Variants in FOXP2 observed in about 807,000 individuals in gnomAD.
FOXP2 encodes the protein forkhead box P2.
A neutral mutation model predicts 115.8 loss-of-function variants in FOXP2; 12 were observed. The ratio of observed to expected loss-of-function variants is 0.10; its 90% CI spans 0.07 to 0.17. The LOEUF (loss-of-function observed/expected upper bound fraction) is 0.17, where lower values mean the gene tolerates loss of function less well. FOXP2 is among the 10% of genes least tolerant of loss of function. The pLI, the probability that FOXP2 is intolerant of heterozygous loss-of-function variation, is 1.00. For missense variants in FOXP2, 629 were observed against 843.5 expected (o/e 0.75, Z 3.15); for synonymous variants, 328 against 297.7 (o/e 1.10, Z -1.05).
rs548163074 is a variant in FOXP2 at position 114,147,407 on chromosome 7, A to G, written c.-246-15537A>G. 5.3e-5 allele frequency among the ~76,000 whole-genome samples: 8 copies of G among 152,246 alleles called. No individual in the cohort carries two copies. The East Asian group carries it at 1.4e-3, about 26-fold the overall frequency. Reference sequence around the variant, plus strand: ...AGAGGGCAGGAGACACATTAGTGCCATGATGTAGTGAAATAGAAAACAAGG... The same window carrying G: ...AGAGGGCAGGAGACACATTAGTGCCGTGATGTAGTGAAATAGAAAACAAGG... On this transcript the variant is annotated intron_variant, in intron 1 of 19. Coordinates refer to the FOXP2 transcript ENST00000635638.
rs947750670 is a variant in FOXP2, at chr7:114,223,303, A to G, written c.-102+60215A>G. On this transcript the variant is annotated intron_variant, in intron 1 of 17. Coordinates refer to the FOXP2 transcript ENST00000634411. ...TTTTGTTTCCCTCAGTCTAATGGGT[A>G]AAAAGATATCTCACAATGGTCTTAA... Among the ~76,000 whole-genome samples, 5 of 151,978 alleles carry G rather than the reference A, an allele frequency of 3.3e-5. 1 individual carries two copies. Among genetic ancestry groups the G allele is most frequent in the African/African-American group, 1.2e-4 (5 of 41,380 alleles).
intron 3 of FOXP2, among the ~76,000 whole-genome samples, chr7:114,550,621 T>C (rs1038713756): frequency 1.3e-5 from 2 of 152,184 alleles, no homozygotes; most frequent in African/African-American, 4.8e-5. Flanking sequence ...GAAATACATA[T>C]ACATATGCAT....
At chr7:114,435,984 G>T (rs1053387376) in intron 2 of FOXP2, among the ~76,000 whole-genome samples, 30 of 152,096 alleles carry the variant, frequency 2.0e-4, no homozygotes, top group Non-Finnish European at 1.8e-4. Context: ...AAGAAAAGGA[G>T]AAATTAATTC....
Position 114,689,956 on chromosome 7 carries a change from G to C in FOXP2, c.*30G>C, listed in dbSNP as rs752889781. The stretch of plus-strand genomic sequence containing the variant: ...TGACTTGTGAAACCTCAGCGTGAAG[G>C]GACATATCACTGACCTTCATAACCA... On this transcript the variant is annotated 3_prime_UTR_variant, in exon 17 of 17. Transcript: ENST00000350908. 2 of 1,611,084 alleles carry C rather than the reference G, an allele frequency of 1.2e-6. No individual in the cohort carries two copies. Among genetic ancestry groups the C allele is most frequent in the East Asian group, 4.5e-5 (2 of 44,832 alleles).
At chr7:114,222,750 G>T (rs1319523938) in intron 1 of FOXP2, among the ~76,000 whole-genome samples, 1 of 152,182 alleles carries the variant, frequency 6.6e-6, no homozygotes, top group African/African-American at 2.4e-5. Flanking sequence ...AGCTTTTAAA[G>T]AAGGGACAGT....
chr7:114,420,267 T>A (rs991165603), intron 1 of FOXP2, among the ~76,000 whole-genome samples: 1 of 151,922 alleles, frequency 6.6e-6, no homozygotes, highest in African/African-American at 2.4e-5. Flanking sequence ...GGAATTTGAC[T>A]GTAAGTGGAC....
At chr7:114,102,037 T>G (rs940991646) in intron 1 of FOXP2, among the ~76,000 whole-genome samples, 1 of 151,890 alleles carries the variant, frequency 6.6e-6, no homozygotes, top group Non-Finnish European at 1.5e-5. Context: ...GTTAATATTT[T>G]TTCCATACCT....
chr7:114,149,662 A>G (rs1792478629), intron 1 of FOXP2, among the ~76,000 whole-genome samples: 1 of 152,058 alleles, frequency 6.6e-6, no homozygotes, highest in Non-Finnish European at 1.5e-5. Flanking sequence ...CTTTCAAAAT[A>G]AAAAAGAAAT....
chr7:114,286,184 A>T (rs912447473), intron 1 of FOXP2, among the ~76,000 whole-genome samples: 1 of 152,042 alleles, frequency 6.6e-6, no homozygotes, highest in African/African-American at 2.4e-5. Context: ...TTGTGATGTT[A>T]TTATATATAA....
intron 1 of FOXP2, among the ~76,000 whole-genome samples, chr7:114,244,638 A>G (rs939928446): frequency 6.6e-6 from 1 of 152,156 alleles, no homozygotes; most frequent in Non-Finnish European, 1.5e-5. Context: ...ACCTATTTCT[A>G]TTTATCAATT....
rs531549410 is a variant in FOXP2 at position 114,433,413 on chromosome 7, A to AT, written c.168+6740dup. 2.1e-3 allele frequency among the ~76,000 whole-genome samples: 326 copies of AT among 152,002 alleles called. 2 individuals are homozygous for AT. The highest frequency in any genetic ancestry group is 7.7e-3 in the African/African-American group (318 of 41,508). On this transcript the variant is annotated intron_variant, in intron 2 of 16. Transcript: ENST00000350908. ...TTGCCATAGTCTTTTCCAAAGGAAT[A>AT]TTTTTTCTCAAAATTAGTTGAAAAA...
At chr7:114,141,942 G>A (rs537021518) in intron 1 of FOXP2, among the ~76,000 whole-genome samples, 14 of 152,202 alleles carry the variant, frequency 9.2e-5, no homozygotes, top group African/African-American at 3.4e-4. Context: ...GGTACAGGTT[G>A]GACTTTTTGT....
intron 3 of FOXP2, among the ~76,000 whole-genome samples, chr7:114,547,831 C>A (rs1292364402): frequency 1.3e-5 from 2 of 152,138 alleles, no homozygotes; most frequent in Non-Finnish European, 2.9e-5. Context: ...AACTATACTT[C>A]CTACATGATT....
At chr7:114,277,766 A>T (rs116167159) in intron 1 of FOXP2, among the ~76,000 whole-genome samples, 43 of 152,092 alleles carry the variant, frequency 2.8e-4, no homozygotes, top group African/African-American at 1.0e-3. Context: ...TTGATTAAAA[A>T]AGCAGAAAGA....
At chr7:114,334,126 T>C (rs181397360) in intron 2 of FOXP2, among the ~76,000 whole-genome samples, 1 of 152,268 alleles carries the variant, frequency 6.6e-6, no homozygotes, top group East Asian at 1.9e-4. Context: ...GTTTTCTCAC[T>C]TTCTGGTAAA....
Position 114,678,593 on chromosome 7 carries a change from C to T in FOXP2, c.2004-11189C>T, listed in dbSNP as rs546324499. Among the ~76,000 whole-genome samples the T allele has an allele frequency of 1.2e-4, 14 of 114,346 alleles. No individual in the cohort carries two copies. The South Asian group carries it at 4.6e-3, about 37-fold the overall frequency. 75.0% of individuals were successfully genotyped at this position (114,346 alleles called of 152,430 possible). On this transcript the variant is annotated intron_variant, in intron 16 of 16. Transcript: ENST00000350908. ...TTTTTTGCTTGAGAAACTAGCAACA[C>T]TTTATGCCCCTTCCTTCAATATTCA...
At chr7:114,120,334 A>G (rs139767148) in intron 1 of FOXP2, among the ~76,000 whole-genome samples, 3 of 152,290 alleles carry the variant, frequency 2.0e-5, no homozygotes, top group African/African-American at 4.8e-5. Context: ...AGAGTTTTGT[A>G]TGGCGTTATG....
At chr7:114,330,247 A>G (rs1162320751) in intron 2 of FOXP2, among the ~76,000 whole-genome samples, 1 of 152,030 alleles carries the variant, frequency 6.6e-6, no homozygotes, top group Non-Finnish European at 1.5e-5. Flanking sequence ...TTCTTTGCCT[A>G]GCAACTTGCA....
intron 1 of FOXP2, among the ~76,000 whole-genome samples, chr7:114,135,817 C>T (rs771782986): frequency 1.3e-4 from 20 of 152,094 alleles, no homozygotes; most frequent in Non-Finnish European, 1.5e-4. Flanking sequence ...CTGTGCCATT[C>T]CCCATGTAAT....
Sources: allele counts gnomAD v4.1 joint callset (sites outside exome capture counted in the v4.1 genomes callset), GRCh38; gene constraint gnomAD v4.1.1; transcripts MANE v1.5; gene names NCBI Gene and HGNC (gene_info 2026-07-23, HGNC 2026-07-21).